GPC6: variants seen among roughly 807,000 people sequenced by gnomAD.
GPC6 encodes glypican 6, also known as glypican-6.
In GPC6, 14 loss-of-function variants were observed where a neutral mutation model predicts 55.2. That is an observed-to-expected ratio of 0.25 (90% CI 0.17 to 0.40). The LOEUF is 0.40. Ranked by LOEUF, GPC6 falls within the 10% of genes least tolerant of loss-of-function variation. The pLI is 1.00. For synonymous variants in GPC6, 278 were observed against 259.6 expected, an observed-to-expected ratio of 1.07 and a Z score of -0.68; for missense variants, 641 against 708.5, an observed-to-expected ratio of 0.90 and a Z score of 1.08.
intron 1 of GPC6, among the ~76,000 whole-genome samples, chr13:93,463,513 G>A (rs1446372214): frequency 1.3e-5 from 2 of 152,144 alleles, no homozygotes; most frequent in African/African-American, 4.8e-5. Flanking sequence ...GTGTAGCCCA[G>A]GTCTCTGCCA....
At chr13:94,273,156 T>A (rs1892098626) in intron 4 of GPC6, among the ~76,000 whole-genome samples, 1 of 152,188 alleles carries the variant, frequency 6.6e-6, no homozygotes, top group Admixed American at 6.5e-5. Context: ...ACAGTCTCCC[T>A]GATAGCAGAG....
chr13:94,332,827 T>C (rs1393623174), intron 6 of GPC6, among the ~76,000 whole-genome samples: 2 of 152,220 alleles, frequency 1.3e-5, no homozygotes, highest in Non-Finnish European at 2.9e-5. Context: ...TGTCAGGAGA[T>C]TGCAAGAGAA....
chr13:94,174,708 G>T (rs369027906), intron 4 of GPC6, among the ~76,000 whole-genome samples: 7 of 152,148 alleles, frequency 4.6e-5, no homozygotes, highest in South Asian at 2.1e-4. Flanking sequence ...AAGTAAATTT[G>T]GCCAGGCTTA....
At chr13:93,236,731 T>TC (rs1876247756) in intron 1 of GPC6, among the ~76,000 whole-genome samples, 1 of 152,124 alleles carries the variant, frequency 6.6e-6, no homozygotes, top group South Asian at 2.1e-4. Flanking sequence ...CATTCCCTGG[T>TC]GCCAAAAAGG....
rs568001328 is a variant in GPC6 at position 93,562,116 on chromosome 13, T to G, written c.319+16695T>G. On this transcript the variant is annotated intron_variant, in intron 2 of 8. Coordinates refer to ENST00000377047, the MANE Select transcript of GPC6 (RefSeq NM_005708.5). The stretch of plus-strand genomic sequence containing the variant: ...GTTAATTTGCTGAATCCAAGTTTAT[T>G]TTCCTGCTAAGCCATAGTTTGTGAT... Among the ~76,000 whole-genome samples the G allele has an allele frequency of 2.0e-4, 30 of 152,164 alleles. No individual in the cohort carries two copies. The South Asian group carries it at 4.8e-3, about 24-fold the overall frequency.
intron 3 of GPC6, among the ~76,000 whole-genome samples, chr13:93,849,150 T>C (rs1888306553): frequency 6.6e-6 from 1 of 152,154 alleles, no homozygotes; most frequent in South Asian, 2.1e-4. Flanking sequence ...AATTTGGATA[T>C]GGTAGACGTT....
chr13:93,565,854 G>A (rs9589771), intron 2 of GPC6, among the ~76,000 whole-genome samples: 77,132 of 151,258 alleles, frequency 0.51, 21,639 homozygotes, highest in Non-Finnish European at 0.63. Flanking sequence ...CCCGGGAGGC[G>A]GAGGTTGCAG....
intron 4 of GPC6, among the ~76,000 whole-genome samples, chr13:94,173,933 T>G (rs1594020181): frequency 1.3e-5 from 2 of 152,308 alleles, no homozygotes; most frequent in Admixed American, 1.3e-4. Flanking sequence ...CAGGAATTCT[T>G]TAAAGGAAGC....
At chr13:93,274,356 G>C (rs1049385076) in intron 1 of GPC6, among the ~76,000 whole-genome samples, 2 of 152,104 alleles carry the variant, frequency 1.3e-5, no homozygotes, top group Non-Finnish European at 2.9e-5. Flanking sequence ...AAAGTGATAT[G>C]AATGATTTAT....
At chr13:93,495,317 A>G (rs1341136015) in intron 1 of GPC6, among the ~76,000 whole-genome samples, 179 of 150,580 alleles carry the variant, frequency 1.2e-3, no homozygotes, top group African/African-American at 4.3e-3. Context: ...TGATCGCATC[A>G]GCTCCTGAGG....
intron 1 of GPC6, among the ~76,000 whole-genome samples, chr13:93,509,009 T>G (rs946466764): frequency 8.5e-5 from 13 of 152,148 alleles, no homozygotes; most frequent in Admixed American, 7.9e-4. Context: ...GTGACTCCAC[T>G]GGGAAGATGG....
chr13:93,981,280 C>T (rs1055876733), intron 3 of GPC6, among the ~76,000 whole-genome samples: 6 of 151,900 alleles, frequency 3.9e-5, no homozygotes, highest in Non-Finnish European at 5.9e-5. Flanking sequence ...AAAGTTTTTT[C>T]GCAAGAACTT....
At chr13:93,807,753 G>A (rs78618470) in intron 2 of GPC6, among the ~76,000 whole-genome samples, 1,912 of 152,260 alleles carry the variant, frequency 0.013, 40 homozygotes, top group African/African-American at 0.043. Flanking sequence ...GTAGACTCCC[G>A]TAGGGTAGTA....
At chr13:93,895,048 A>C (rs974435010) in intron 3 of GPC6, among the ~76,000 whole-genome samples, 1 of 150,506 alleles carries the variant, frequency 6.6e-6, no homozygotes, top group African/African-American at 2.4e-5. Flanking sequence ...TCCCACACCA[A>C]CGTCTTACAG....
At chr13:93,942,763 G>T (rs1336435227) in intron 3 of GPC6, among the ~76,000 whole-genome samples, 5 of 152,164 alleles carry the variant, frequency 3.3e-5, no homozygotes, top group Non-Finnish European at 5.9e-5. Flanking sequence ...GAGCTCTTTA[G>T]GGATCTACAT....
rs557184901 is a variant in GPC6, at chr13:93,906,966, T to C, written c.711+76421T>C. ...ATGTTTTTTGAATGCCTGTCAAAAATTTACATTCAAAGATGTAAACATGTG... is the reference window on the plus strand; with the variant it reads ...ATGTTTTTTGAATGCCTGTCAAAAACTTACATTCAAAGATGTAAACATGTG... On this transcript the variant is annotated intron_variant, in intron 3 of 8. Transcript: ENST00000377047. Among the ~76,000 whole-genome samples, 15 of 152,310 alleles carry C rather than the reference T, an allele frequency of 9.8e-5. No homozygotes were observed. The South Asian group carries it at 3.1e-3, about 32-fold the overall frequency.
chr13:93,531,966 A>G (rs1260731227), intron 1 of GPC6, among the ~76,000 whole-genome samples: 2 of 152,164 alleles, frequency 1.3e-5, no homozygotes, highest in African/African-American at 4.8e-5. Flanking sequence ...ATGCTATTAA[A>G]AGGACGGTAG....
At chr13:93,904,600 T>G (rs1251215698) in intron 3 of GPC6, among the ~76,000 whole-genome samples, 1 of 152,018 alleles carries the variant, frequency 6.6e-6, no homozygotes, top group Non-Finnish European at 1.5e-5. Context: ...TAACCCAGCA[T>G]GTTGATGCAT....
chr13:93,556,763 G>T (rs946992727), intron 2 of GPC6, among the ~76,000 whole-genome samples: 9 of 151,702 alleles, frequency 5.9e-5, no homozygotes, highest in Non-Finnish European at 1.2e-4. Context: ...GAGTTCAATT[G>T]TATTTATTTT....
Sources: gnomAD v4.1 joint callset for allele counts (sites outside exome capture counted in the v4.1 genomes callset) on GRCh38, gnomAD v4.1.1 for gene constraint, MANE v1.5 for transcripts, NCBI Gene and HGNC (gene_info 2026-07-23, HGNC 2026-07-21) for gene names.